MAGI2: variants seen among roughly 807,000 people sequenced by gnomAD.
MAGI2 encodes membrane-associated guanylate kinase, WW and PDZ domain-containing protein 2.
Under a neutral mutation model 133.3 loss-of-function variants are expected in MAGI2, and 35 were observed. The ratio of observed to expected loss-of-function variants is 0.26; its 90% confidence interval spans 0.20 to 0.35. MAGI2 has a LOEUF of 0.35. Among genes scored for constraint, MAGI2 ranks in the 10% least tolerant of loss-of-function variants. The pLI is 1.00. For missense variants in MAGI2, 1,636 were observed against 1,863.4 expected, an observed-to-expected ratio of 0.88 and a Z score of 2.25; for synonymous variants, 729 against 710.6, an observed-to-expected ratio of 1.03 and a Z score of -0.41.
intron 3 of MAGI2, among the ~76,000 whole-genome samples, chr7:78,565,747 A>G (rs537324092): frequency 6.6e-6 from 1 of 152,324 alleles, no homozygotes; most frequent in East Asian, 1.9e-4. Flanking sequence ...TAGTCCTGCA[A>G]GACTCTTACT....
At chr7:78,423,590 G>A (rs1798997697) in intron 6 of MAGI2, among the ~76,000 whole-genome samples, 2 of 152,134 alleles carry the variant, frequency 1.3e-5, no homozygotes, top group African/African-American at 4.8e-5. Flanking sequence ...GGAAAACGTG[G>A]GAAAGTTTGG....
intron 2 of MAGI2, among the ~76,000 whole-genome samples, chr7:78,874,758 T>G (rs746151369): frequency 6.6e-6 from 1 of 152,172 alleles, no homozygotes; most frequent in Non-Finnish European, 1.5e-5. Flanking sequence ...ATACATTGTA[T>G]AGTTTAAAAT....
chr7:78,868,474 C>T (rs1794761699), intron 2 of MAGI2, among the ~76,000 whole-genome samples: 2 of 152,048 alleles, frequency 1.3e-5, no homozygotes, highest in Admixed American at 1.3e-4. Context: ...TTATCATGTC[C>T]CCCAAAGGCA....
At chr7:78,455,792 A>G (rs964573890) in intron 6 of MAGI2, among the ~76,000 whole-genome samples, 1 of 152,060 alleles carries the variant, frequency 6.6e-6, no homozygotes, top group Non-Finnish European at 1.5e-5. Flanking sequence ...GCTCAAGAGT[A>G]ATCTGTTTAA....
In MAGI2 at chr7:78,069,520, A is replaced by G. The variant is rs192574075; in HGVS notation, c.3706+9427T>C. 5.7e-5 allele frequency among the ~76,000 whole-genome samples: 8 copies of G among 140,022 alleles called. No individual in the cohort carries two copies. In the East Asian group the frequency reaches 1.8e-3, roughly 31 times the overall value. 91.9% of individuals were successfully genotyped at this position (140,022 alleles called of 152,430 possible). A position where few individuals can be genotyped will look rare whatever the true frequency, so the allele number is the denominator to read the frequency against. ...GTATGTGTGTGTGTGAGAGAGAGAG[A>G]GATTGAAAGAAAGAGAGAGGAGAGA... On this transcript the variant is annotated intron_variant, in intron 21 of 21. Coordinates refer to ENST00000354212, the MANE Select transcript of MAGI2 (RefSeq NM_012301.4).
intron 14 of MAGI2, among the ~76,000 whole-genome samples, chr7:78,175,389 C>T (rs1389271086): frequency 2.0e-5 from 3 of 152,136 alleles, no homozygotes; most frequent in African/African-American, 4.8e-5. Context: ...CTTTTTGGGG[C>T]CCCTCAGCTG....
intron 6 of MAGI2, among the ~76,000 whole-genome samples, chr7:78,483,095 G>A (rs1479421478): frequency 3.3e-5 from 5 of 151,638 alleles, no homozygotes; most frequent in Admixed American, 6.6e-5. Flanking sequence ...ATATTGTACT[G>A]TATTTATATA....
At chr7:79,204,831 T>C in intron 1 of MAGI2, among the ~76,000 whole-genome samples, 1 of 151,538 alleles carries the variant, frequency 6.6e-6, no homozygotes, top group East Asian at 1.9e-4. Context: ...ATGAATGAAA[T>C]GAAAACTGCA....
rs3086258 is a variant in MAGI2, at chr7:78,775,320, T to TAAAAAAAAAAA, written c.419-148092_419-148082dup. The stretch of plus-strand genomic sequence containing the variant: ...AGAGCGAGACTCTGTCGTCTCAAAT[T>TAAAAAAAAAAA]AAAAAAAAAAAAAAAAAAAAAAAAA... On this transcript the variant is annotated intron_variant, in intron 2 of 21. Coordinates refer to ENST00000354212, the MANE Select transcript of MAGI2 (RefSeq NM_012301.4). 5.4e-4 allele frequency among the ~76,000 whole-genome samples: 31 copies of TAAAAAAAAAAA among 57,370 alleles called. 2 individuals are homozygous for TAAAAAAAAAAA. The highest frequency in any genetic ancestry group is 7.0e-4 in the African/African-American group (10 of 14,368). The allele number at this position is 57,370 out of a possible 152,430, so 37.6% of individuals were successfully genotyped here.
chr7:79,051,869 A>G (rs1812705684), intron 1 of MAGI2, among the ~76,000 whole-genome samples: 1 of 152,060 alleles, frequency 6.6e-6, no homozygotes, highest in African/African-American at 2.4e-5. Flanking sequence ...TTGACATTGT[A>G]GTTTTCTCTT....
intron 2 of MAGI2, among the ~76,000 whole-genome samples, chr7:78,935,651 T>C (rs1286499881): frequency 6.6e-6 from 1 of 152,040 alleles, no homozygotes; most frequent in African/African-American, 2.4e-5. Context: ...GAAATTAGAA[T>C]AGGAAGAGAA....
chr7:79,446,664 A>C (rs763918998), intron 1 of MAGI2, among the ~76,000 whole-genome samples: 1 of 152,164 alleles, frequency 6.6e-6, no homozygotes, highest in Non-Finnish European at 1.5e-5. Context: ...AAGTATATCA[A>C]TGGGGGTTGG....
At chr7:78,920,474 T>C (rs762331519) in intron 2 of MAGI2, among the ~76,000 whole-genome samples, 3 of 152,186 alleles carry the variant, frequency 2.0e-5, no homozygotes, top group Non-Finnish European at 2.9e-5. Context: ...TACTTGTCTT[T>C]ACTGCATTAC....
chr7:79,292,895 C>T (rs1486136791), intron 1 of MAGI2, among the ~76,000 whole-genome samples: 1 of 150,030 alleles, frequency 6.7e-6, no homozygotes, highest in African/African-American at 2.4e-5. Flanking sequence ...TCGGCTTCCT[C>T]TGTTTTCTTC....
In MAGI2 at chr7:79,453,204, T is replaced by C; in HGVS notation, c.117A>G (p.Gly39=). Residue 39 remains glycine (G), a synonymous_variant, in exon 1 of 22, where the codon GGA becomes GGG. Coordinates refer to ENST00000354212, the MANE Select transcript of MAGI2 (RefSeq NM_012301.4). ...GFELKGGAEN[G]QFPYLGEVKP... ...TCACCTCCCCCAGGTAGGGGAACTGTCCATTCTCGGCGCCCCCCTTCAGTT... is the reference window on the plus strand; with the variant it reads ...TCACCTCCCCCAGGTAGGGGAACTGCCCATTCTCGGCGCCCCCCTTCAGTT... 1 of 1,613,918 alleles carries C rather than the reference T, an allele frequency of 6.2e-7. No individual in the cohort carries two copies. Among genetic ancestry groups the C allele is most frequent in the Non-Finnish European group, 8.5e-7 (1 of 1,180,024 alleles).
At chr7:78,982,905 T>C (rs2116207081) in intron 2 of MAGI2, among the ~76,000 whole-genome samples, 1 of 152,036 alleles carries the variant, frequency 6.6e-6, no homozygotes, top group South Asian at 2.1e-4. Flanking sequence ...ATTGTTTTAA[T>C]ATGATTATAG....
At chr7:79,399,065 C>A (rs2129160019) in intron 1 of MAGI2, among the ~76,000 whole-genome samples, 1 of 134,818 alleles carries the variant, frequency 7.4e-6, no homozygotes, top group East Asian at 2.5e-4. Flanking sequence ...ATCTTCAATT[C>A]ACTAGTATTA....
chr7:79,243,262 C>G (rs1331822445), intron 1 of MAGI2, among the ~76,000 whole-genome samples: 1 of 152,132 alleles, frequency 6.6e-6, no homozygotes, highest in Non-Finnish European at 1.5e-5. Flanking sequence ...CACATAAGAA[C>G]CAAGAGAGCA....
Position 79,296,387 on chromosome 7 carries a change from G to A in MAGI2, c.301+156633C>T, listed in dbSNP as rs184972237. On this transcript the variant is annotated intron_variant, in intron 1 of 21. Coordinates refer to ENST00000354212, the MANE Select transcript of MAGI2 (RefSeq NM_012301.4). ...GTGTTGAAAAGATCTCTGCACTCCC[G>A]TATTTATTGTGGCACTATTCATAAT... Among the ~76,000 whole-genome samples the A allele has an allele frequency of 7.5e-4, 114 of 152,242 alleles. 1 individual carries two copies. The highest frequency in any genetic ancestry group is 2.4e-3 in the African/African-American group (100 of 41,560).
Sources: allele counts gnomAD v4.1 joint callset (sites outside exome capture counted in the v4.1 genomes callset), GRCh38; gene constraint gnomAD v4.1.1; transcripts MANE v1.5; gene names NCBI Gene and HGNC (gene_info 2026-07-23, HGNC 2026-07-21).